Variants in GSE1 observed in about 807,000 individuals in gnomAD.
GSE1 encodes the protein genetic suppressor element 1.
In GSE1, 32 loss-of-function variants were observed where a neutral mutation model predicts 112.6. The observed-to-expected ratio is 0.28, with a 90% CI of 0.21 to 0.38. The LOEUF (loss-of-function observed/expected upper bound fraction) is 0.38. Among genes scored for constraint, GSE1 ranks in the 10% least tolerant of loss-of-function variants. The pLI is 1.00. For missense variants in GSE1, 2,348 were observed against 1,699.2 expected, an observed-to-expected ratio of 1.38 and a Z score of -6.71; for synonymous variants, 1,115 against 735.6, an observed-to-expected ratio of 1.52 and a Z score of -8.35.
intron 1 of GSE1, among the ~76,000 whole-genome samples, chr16:85,188,942 T>C (rs934618464): frequency 6.6e-6 from 1 of 152,226 alleles, no homozygotes; most frequent in South Asian, 2.1e-4. Flanking sequence ...GTGCATTTTC[T>C]GGAGAGAGGA....
intron 1 of GSE1, among the ~76,000 whole-genome samples, chr16:85,242,269 C>T (rs989035111): frequency 7.9e-5 from 12 of 152,280 alleles, no homozygotes; most frequent in East Asian, 1.9e-4. Context: ...TGCAAGCAGC[C>T]GCCCTCCTGC....
At chr16:85,523,870 C>G (rs530767133) in intron 2 of GSE1, among the ~76,000 whole-genome samples, 1 of 152,194 alleles carries the variant, frequency 6.6e-6, no homozygotes, top group Non-Finnish European at 1.5e-5. Flanking sequence ...GGCAGTGCTG[C>G]GGGAGGCGGG....
At chr16:85,536,587 C>T (rs1042777413) in intron 2 of GSE1, among the ~76,000 whole-genome samples, 1 of 152,232 alleles carries the variant, frequency 6.6e-6, no homozygotes, top group African/African-American at 2.4e-5. Flanking sequence ...CGGGTGGCAG[C>T]TTCTTCACCC....
At chr16:85,554,887 G>A, upstream of GSE1, 1 of 985,324 alleles carries the variant, frequency 1.0e-6, no homozygotes, top group Non-Finnish European at 1.2e-6. Flanking sequence ...GTTTGCAAAC[G>A]GCCCCCGCTT....
intron 6 of GSE1, 103 bp downstream of exon 6, chr16:85,656,020 C>T (rs1228246420): frequency 3.4e-6 from 3 of 886,978 alleles, no homozygotes; most frequent in Non-Finnish European, 5.1e-6. Flanking sequence ...CTTGGCCATG[C>T]CTGTCCTCAC....
intron 1 of GSE1, among the ~76,000 whole-genome samples, chr16:85,624,338 C>T (rs1428078630): frequency 6.6e-6 from 1 of 152,214 alleles, no homozygotes; most frequent in Non-Finnish European, 1.5e-5. Flanking sequence ...GCTCTGGTGC[C>T]ATGGGCTACA....
At chr16:85,603,289 G>A (rs773877358) in intron 1 of GSE1, among the ~76,000 whole-genome samples, 4 of 152,334 alleles carry the variant, frequency 2.6e-5, no homozygotes, top group South Asian at 4.1e-4. Flanking sequence ...GGGGAGAGAC[G>A]CCGAGTGGGG....
At chr16:85,369,105 T>C (rs2047243230) in intron 2 of GSE1, among the ~76,000 whole-genome samples, 1 of 152,202 alleles carries the variant, frequency 6.6e-6, no homozygotes. Flanking sequence ...CGAGGCTAAA[T>C]TCGAGGTGTG....
At chr16:85,562,416 G>T (rs2045563259) in intron 1 of GSE1, among the ~76,000 whole-genome samples, 3 of 143,396 alleles carry the variant, frequency 2.1e-5, no homozygotes, top group South Asian at 4.9e-4. Context: ...ATGTGTTGTT[G>T]TTACGCCATG....
intron 2 of GSE1, among the ~76,000 whole-genome samples, chr16:85,452,744 C>G (rs1341034493): frequency 2.6e-5 from 4 of 152,086 alleles, no homozygotes; most frequent in Admixed American, 6.5e-5. Context: ...GAGAGAGACC[C>G]CTGGTGGGCG....
intron 15 of GSE1, 50 bp downstream of exon 15, chr16:85,671,148 G>C (rs1033879334): frequency 4.5e-6 from 5 of 1,107,032 alleles, no homozygotes; most frequent in Non-Finnish European, 6.9e-6. Flanking sequence ...TTTTGAGTTT[G>C]GGTTCAGAAA....
At chr16:85,230,959 A>G (rs1298948848) in intron 1 of GSE1, among the ~76,000 whole-genome samples, 2 of 151,154 alleles carry the variant, frequency 1.3e-5, no homozygotes, top group African/African-American at 4.9e-5. Flanking sequence ...ATGGATGGAT[A>G]GATGGATGGA....
intron 1 of GSE1, among the ~76,000 whole-genome samples, chr16:85,291,476 C>A (rs1192488082): frequency 6.6e-6 from 1 of 152,232 alleles, no homozygotes; most frequent in Non-Finnish European, 1.5e-5. Context: ...CCAGCCTCCT[C>A]CCCCGGCCCC....
At chr16:85,569,976 AG>A (rs1392173467) in intron 1 of GSE1, among the ~76,000 whole-genome samples, 1 of 151,162 alleles carries the variant, frequency 6.6e-6, no homozygotes, top group African/African-American at 2.5e-5. Context: ...CCTCTGTCGG[AG>A]GAGGACAGAG....
chr16:85,425,301 A>ACGGGTGATGTGAGGTGGTGG (rs2048946688), intron 2 of GSE1, among the ~76,000 whole-genome samples: 1 of 31,994 alleles, frequency 3.1e-5, no homozygotes, highest in Non-Finnish European at 1.7e-4. Flanking sequence ...GAGGGGATGC[A>ACGGGTGATGTGAGGTGGTGG]CGGGTGATGT....
At chr16:85,555,896 C>G (rs569235096), upstream of GSE1, 5 of 824,054 alleles carry the variant, frequency 6.1e-6, no homozygotes, top group East Asian at 2.5e-4. Flanking sequence ...TCACCTCCCC[C>G]CTTTATTTTT....
intron 1 of GSE1, among the ~76,000 whole-genome samples, chr16:85,278,146 G>A (rs931083204): frequency 1.3e-5 from 2 of 152,366 alleles, no homozygotes; most frequent in Non-Finnish European, 2.9e-5. Context: ...GTCCCTGGCT[G>A]AAGTCCGGGG....
intron 2 of GSE1, among the ~76,000 whole-genome samples, chr16:85,377,152 G>A (rs890962525): frequency 1.3e-5 from 2 of 152,234 alleles, no homozygotes; most frequent in Admixed American, 6.5e-5. Context: ...CTGGTAGGCC[G>A]CACGTGGTCT....
chr16:85,669,503 T>C (rs2053153795), intron 14 of GSE1, among the ~76,000 whole-genome samples: 1 of 152,230 alleles, frequency 6.6e-6, no homozygotes, highest in African/African-American at 2.4e-5. Context: ...GTATTTTGTT[T>C]CCTTTCCTCC....
Sources: gnomAD v4.1 joint callset for allele counts (sites outside exome capture counted in the v4.1 genomes callset) on GRCh38, gnomAD v4.1.1 for gene constraint, MANE v1.5 for transcripts, NCBI Gene and HGNC (gene_info 2026-07-23, HGNC 2026-07-21) for gene names.